The following TNKS variants were observed in gnomAD, a reference collection of about 807,000 sequenced individuals.
TNKS encodes the protein tankyrase, also known as poly [ADP-ribose] polymerase tankyrase-1.
Under a neutral mutation model 135.8 loss-of-function variants are expected in TNKS, and 72 were observed. The observed-to-expected ratio is 0.53, with a 90% CI of 0.44 to 0.64. The LOEUF is 0.64. Among genes scored for constraint, TNKS ranks in the 30% least tolerant of loss-of-function variants. The probability of loss-of-function intolerance (pLI) is 0.00; values close to 1 mark genes in which losing one functional copy is unlikely to be tolerated. For synonymous variants in TNKS, 849 were observed against 649.3 expected, an observed-to-expected ratio of 1.31 and a Z score of -4.68; for missense variants, 1,769 against 1,674.0, an observed-to-expected ratio of 1.06 and a Z score of -0.99.
intron 11 of TNKS, among the ~76,000 whole-genome samples, chr8:9,717,102 T>TATATA (rs60792807): frequency 1.5e-4 from 18 of 122,840 alleles, no homozygotes; most frequent in East Asian, 5.0e-4. Context: ...TATATATATA[T>TATATA]TTTCAGGGAA....
At position 9,751,641 on chromosome 8, in the gene TNKS, C is replaced by T. The variant is rs1256368931; in HGVS notation, c.2865C>T (p.Ala955=). ...ATATCAGAGCTTTGCTGATAGATGCCATGCCCCCAGAGGCCTTACCTACCT... is the reference window on the plus strand; with the variant it reads ...ATATCAGAGCTTTGCTGATAGATGCTATGCCCCCAGAGGCCTTACCTACCT... ...ADDIRALLID[A]MPPEALPTCF... is the part of the protein sequence containing the mutation. Residue 955 remains alanine, a synonymous_variant, in exon 19 of 27, where the codon GCC becomes GCT. Transcript: ENST00000310430. The T allele has an allele frequency of 3.7e-6, 6 of 1,614,096 alleles. No individual in the cohort carries two copies. Among genetic ancestry groups the T allele is most frequent in the East Asian group, 2.2e-5 (1 of 44,884 alleles).
At chr8:9,567,113 G>T (rs1374903653) in intron 1 of TNKS, among the ~76,000 whole-genome samples, 2 of 152,166 alleles carry the variant, frequency 1.3e-5, no homozygotes, top group African/African-American at 4.8e-5. Context: ...TGGTTTTCTG[G>T]TAATAAACGT....
intron 3 of TNKS, among the ~76,000 whole-genome samples, chr8:9,676,591 A>C (rs1007303113): frequency 2.6e-5 from 4 of 151,910 alleles, no homozygotes; most frequent in East Asian, 1.9e-4. Context: ...GTTTCTGACT[A>C]CTCCAGAAAA....
intron 12 of TNKS, chr8:9,722,639 C>A (rs1042373676): frequency 6.6e-6 from 1 of 151,716 alleles, no homozygotes; most frequent in Non-Finnish European, 1.5e-5. Flanking sequence ...TACTCCTTGC[C>A]TAGGAAATAT....
chr8:9,683,705 G>A (rs1359593222), intron 5 of TNKS, among the ~76,000 whole-genome samples: 1 of 151,628 alleles, frequency 6.6e-6, no homozygotes, highest in Non-Finnish European at 1.5e-5. Flanking sequence ...TAATATGTGG[G>A]ATTATACAAT....
intron 8 of TNKS, 141 bp from the exon 9 acceptor site, chr8:9,708,230 A>T (rs967289648): frequency 2.4e-5 from 17 of 713,840 alleles, no homozygotes; most frequent in Admixed American, 7.1e-5. Flanking sequence ...TTGCATTTTT[A>T]TCATCATATT....
intron 5 of TNKS, among the ~76,000 whole-genome samples, chr8:9,688,225 G>C (rs1803101020): frequency 6.6e-6 from 1 of 152,278 alleles, no homozygotes; most frequent in East Asian, 1.9e-4. Context: ...AATATCATTT[G>C]ACAGTAGAGT....
chr8:9,599,873 A>G (rs1400023239), intron 2 of TNKS, among the ~76,000 whole-genome samples: 1 of 152,106 alleles, frequency 6.6e-6, no homozygotes, highest in African/African-American at 2.4e-5. Flanking sequence ...TTCTTTTATT[A>G]TTGTAAAATT....
At chr8:9,564,065 ACAT>A (rs1413202614) in intron 1 of TNKS, among the ~76,000 whole-genome samples, 1 of 152,148 alleles carries the variant, frequency 6.6e-6, no homozygotes, top group Non-Finnish European at 1.5e-5. Context: ...AAATTATGAA[ACAT>A]CATCATTTTA....
chr8:9,604,215 A>G (rs985075675), intron 2 of TNKS, among the ~76,000 whole-genome samples: 1 of 152,022 alleles, frequency 6.6e-6, no homozygotes, highest in Non-Finnish European at 1.5e-5. Flanking sequence ...TGAGCTCATC[A>G]TGTTTTGAAG....
At chr8:9,700,942 T>C (rs1422240277) in intron 5 of TNKS, among the ~76,000 whole-genome samples, 1 of 151,812 alleles carries the variant, frequency 6.6e-6, no homozygotes, top group Non-Finnish European at 1.5e-5. Context: ...CCCCCTTTTT[T>C]TTTTTTTTTG....
intron 1 of TNKS, among the ~76,000 whole-genome samples, chr8:9,559,589 G>C (rs1797240904): frequency 7.4e-6 from 1 of 135,576 alleles, no homozygotes; most frequent in South Asian, 2.4e-4. Flanking sequence ...TTGATTTTCA[G>C]CCTCCCCCAT....
At chr8:9,607,502 A>G (rs553099616) in intron 2 of TNKS, among the ~76,000 whole-genome samples, 21 of 152,204 alleles carry the variant, frequency 1.4e-4, no homozygotes, top group Non-Finnish European at 2.6e-4. Context: ...ATCTGAAACC[A>G]TGTCATGTCA....
Position 9,580,330 on chromosome 8 carries a change from A to G in TNKS, c.845A>G (p.Asn282Ser), listed in dbSNP as rs748507839. 5 of 1,614,078 alleles carry G rather than the reference A, an allele frequency of 3.1e-6. No individual in the cohort carries two copies. In the South Asian group the frequency reaches 5.5e-5, roughly 18 times the overall value. ...GATCCAAATGCCAGGGATAACTGGA[A>G]CTATACACCTCTGCATGAAGCTGCT... Reference protein sequence around the residue: ...GADPNARDNWNYTPLHEAAIK... With the variant: ...GADPNARDNWSYTPLHEAAIK... Residue 282 changes from asparagine to serine, a missense_variant, in exon 2 of 27, where the codon AAC becomes AGC. By Grantham distance (46) the Asn-to-Ser change is conservative. This residue lies in a region of TNKS where 523 missense variants were observed against 541.0 expected (regional missense o/e 0.97). Coordinates refer to ENST00000310430, the MANE Select transcript of TNKS (RefSeq NM_003747.3).
At chr8:9,735,543 G>A (rs1168294971) in intron 17 of TNKS, 57 bp downstream of exon 17, 3 of 1,381,256 alleles carry the variant, frequency 2.2e-6, no homozygotes, top group African/African-American at 1.4e-5. Context: ...GCTCACGCCT[G>A]TAATCCCAGC....
chr8:9,712,389 A>C (rs1804383675), intron 11 of TNKS, among the ~76,000 whole-genome samples: 1 of 151,948 alleles, frequency 6.6e-6, no homozygotes, highest in South Asian at 2.1e-4. Flanking sequence ...CTGAGGCAGG[A>C]AGATCACTTG....
intron 2 of TNKS, among the ~76,000 whole-genome samples, chr8:9,591,878 C>A (rs1798602590): frequency 6.6e-6 from 1 of 152,124 alleles, no homozygotes; most frequent in Non-Finnish European, 1.5e-5. Flanking sequence ...AGAGAAATAA[C>A]ATTATCGTTT....
At chr8:9,699,191 G>A (rs1000105436) in intron 5 of TNKS, among the ~76,000 whole-genome samples, 3 of 152,154 alleles carry the variant, frequency 2.0e-5, no homozygotes, top group South Asian at 4.1e-4. Context: ...TTAGAAATGG[G>A]GCTGCCTTAT....
At chr8:9,589,932 A>G (rs1371645389) in intron 2 of TNKS, among the ~76,000 whole-genome samples, 1 of 152,312 alleles carries the variant, frequency 6.6e-6, no homozygotes, top group East Asian at 1.9e-4. Flanking sequence ...CTGCCACCCA[A>G]CACGTCTCCT....
Sources: allele counts gnomAD v4.1 joint callset (sites outside exome capture counted in the v4.1 genomes callset), GRCh38; gene constraint gnomAD v4.1.1; regional missense constraint gnomAD v4.1.1; transcripts MANE v1.5; gene names NCBI Gene and HGNC (gene_info 2026-07-23, HGNC 2026-07-21).